Variants in TMEM210 observed in about 807,000 individuals in gnomAD.
TMEM210 encodes transmembrane protein 210.
In TMEM210, 7 loss-of-function variants were observed where a neutral mutation model predicts 10.3. That is an observed-to-expected ratio of 0.68 (90% confidence interval 0.39 to 1.28). TMEM210 has a LOEUF of 1.28. Among genes scored for constraint, TMEM210 ranks in the 50% most tolerant of loss-of-function variants. The pLI, the probability that TMEM210 is intolerant of heterozygous loss-of-function variation, is 0.01. For missense variants in TMEM210, 185 were observed against 197.8 expected, an observed-to-expected ratio of 0.94 and a Z score of 0.39; for synonymous variants, 79 against 81.2, an observed-to-expected ratio of 0.97 and a Z score of 0.14.
chr9:137,171,591 A>G (rs1834108626), intron 2 of TMEM210, 50 bp downstream of exon 2: 1 of 1,526,766 alleles, frequency 6.5e-7, no homozygotes. Flanking sequence ...GGCCCAGGGC[A>G]GCCAGCCTGG....
intron 2 of TMEM210, 48 bp from the exon 3 acceptor site, chr9:137,171,491 CG>C (rs1564372138): frequency 6.5e-7 from 1 of 1,535,344 alleles, no homozygotes; most frequent in South Asian, 1.2e-5. Flanking sequence ...GCTGGGCCCC[CG>C]GAGCTCCCCC....
rs1467134566 is a variant in TMEM210 at position 137,171,121 on chromosome 9, G to T, written c.298C>A (p.His100Asn). Residue 100 changes from histidine to asparagine, a missense_variant, in exon 4 of 4, where the codon CAC becomes AAC. Transcript: ENST00000413619. ...FGVQEDLMDL[H>N]PVYVESQLMD... ...AGCTGGGACTCCACGTAAACCGGGT[G>T]CAGGTCCATGAGATCTTCCTGGACC... is the stretch of plus-strand genomic sequence containing the variant. 2.0e-6 allele frequency: 3 copies of T among 1,535,266 alleles called. No individual in the cohort carries two copies. Among genetic ancestry groups the T allele is most frequent in the South Asian group, 1.2e-5 (1 of 84,060 alleles).
At position 137,172,034 on chromosome 9, in the gene TMEM210, C is replaced by T. The variant is rs1834117956; in HGVS notation, c.-7G>A. ...GCCAGGGACCGGGGGCCATGTCCAG[C>T]CCTGGCCCCACTGCACACCTCTGAC... On this transcript the variant is annotated 5_prime_UTR_variant, in exon 1 of 4. Transcript: ENST00000413619. 7.2e-7 allele frequency: 1 copy of T among 1,390,152 alleles called. No individual in the cohort carries two copies. The highest frequency in any genetic ancestry group is 9.3e-7 in the Non-Finnish European group (1 of 1,075,958). 86.1% of individuals were successfully genotyped at this position (1,390,152 alleles called of 1,614,324 possible). A position where few individuals can be genotyped will look rare whatever the true frequency, so the allele number is the denominator to read the frequency against.
rs1345516495 is a variant in TMEM210 at position 137,171,144 on chromosome 9, A to G, written c.275T>C (p.Val92Ala). 2.0e-6 allele frequency: 3 copies of G among 1,534,882 alleles called. No individual in the cohort carries two copies. Among genetic ancestry groups the G allele is most frequent in the Admixed American group, 3.9e-5 (2 of 50,922 alleles). ...GTGCAGGTCCATGAGATCTTCCTGG[A>G]CCCCAAAATTCTCCACCAACCTGCA... The part of the protein sequence containing the change: ...VDNRLVENFG[V>A]QEDLMDLHPV... Residue 92 changes from valine to alanine, a missense_variant, in exon 4 of 4, where the codon GTC (valine) becomes GCC (alanine). Coordinates refer to ENST00000413619, the MANE Select transcript of TMEM210 (RefSeq NM_001282477.2).
Position 137,171,631 on chromosome 9 carries a change from G to A in TMEM210, c.224+10C>T. ...ACTCCCATCCTCTCCCGGCCCCAGG[G>A]TTCACGCACCCCTTGGCCCGCAAGA... is the stretch of plus-strand genomic sequence containing the variant. On this transcript the variant is annotated intron_variant, in intron 2 of 3. Coordinates refer to ENST00000413619, the MANE Select transcript of TMEM210 (RefSeq NM_001282477.2). 2 of 1,532,716 alleles carry A rather than the reference G, an allele frequency of 1.3e-6. No individual in the cohort carries two copies. The highest frequency in any genetic ancestry group is 8.7e-7 in the Non-Finnish European group (1 of 1,144,782). The allele number at this position is 1,532,716 out of a possible 1,614,324, so 94.9% of individuals were successfully genotyped here.
intron 3 of TMEM210, 98 bp from the exon 4 acceptor site, chr9:137,171,262 T>TGGGACAGCACACCTCCTCTTCCA: frequency 6.8e-7 from 1 of 1,476,954 alleles, no homozygotes; most frequent in South Asian, 1.2e-5. Context: ...GGGCCTCCCT[T>TGGGACAGCACACCTCCTCTTCCA]GGGACAGCAC....
rs141514655 is a variant in TMEM210, at chr9:137,170,905, G to C, written c.*70C>G. The C allele has an allele frequency of 7.0e-7, 1 of 1,431,890 alleles. No homozygotes were observed. Among genetic ancestry groups the C allele is most frequent in the Non-Finnish European group, 9.3e-7 (1 of 1,076,430 alleles). 88.7% of individuals were successfully genotyped at this position (1,431,890 alleles called of 1,614,324 possible). On this transcript the variant is annotated 3_prime_UTR_variant, in exon 4 of 4. Coordinates refer to ENST00000413619, the MANE Select transcript of TMEM210 (RefSeq NM_001282477.2). ...CCCTCCCCCAGCTGCCCTCAGGAGGGCCTGCAGGGAGGACAGTGCACAGCC... is the reference window on the plus strand; with the variant it reads ...CCCTCCCCCAGCTGCCCTCAGGAGGCCCTGCAGGGAGGACAGTGCACAGCC...
chr9:137,171,675 C>G lies in TMEM210; in HGVS notation c.190G>C (p.Val64Leu). The G allele has an allele frequency of 6.5e-7, 1 of 1,535,418 alleles. No individual in the cohort carries two copies. The highest frequency in any genetic ancestry group is 8.7e-7 in the Non-Finnish European group (1 of 1,146,506). Residue 64 changes from valine (V) to leucine (L), a missense_variant, in exon 2 of 4, where the codon GTC (valine) becomes CTC (leucine). Val to Leu is a conservative substitution (Grantham distance 32, BLOSUM62 1). Coordinates refer to ENST00000413619, the MANE Select transcript of TMEM210 (RefSeq NM_001282477.2). ...CGCAAGACACCAATTGCCACGATGA[C>G]GAGGGCACAGAAGCAGCTGGCACTG... Reference protein sequence around the residue: ...GISASCFCALVIVAIGVLRAK... With the variant: ...GISASCFCALLIVAIGVLRAK...
intron 2 of TMEM210, 48 bp downstream of exon 2, chr9:137,171,593 C>A: frequency 6.6e-7 from 1 of 1,525,806 alleles, no homozygotes; most frequent in South Asian, 1.2e-5. Flanking sequence ...CCCAGGGCAG[C>A]CAGCCTGGCC....
chr9:137,171,990 C>T lies in TMEM210; in HGVS notation c.38G>A (p.Gly13Asp), dbSNP rs1390487030. 1 of 1,417,972 alleles carries T rather than the reference C, an allele frequency of 7.1e-7. No individual in the cohort carries two copies. The highest frequency in any genetic ancestry group is 3.1e-5 in the Admixed American group (1 of 32,166). 87.8% of individuals were successfully genotyped at this position (1,417,972 alleles called of 1,614,324 possible). A position where few individuals can be genotyped will look rare whatever the true frequency, so the allele number is the denominator to read the frequency against. ...CAAATATGTGAGGCCCAAGGGGCCACCACGCAGGCAGGACACAGGCCAGGG... is the reference window on the plus strand; with the variant it reads ...CAAATATGTGAGGCCCAAGGGGCCATCACGCAGGCAGGACACAGGCCAGGG... The part of the protein sequence containing the change: ...PGPWPVSCLR[G>D]GPLGLTYLSL... Residue 13 changes from glycine (G) to aspartate (D), a missense_variant, in exon 1 of 4, where the codon GGT becomes GAT. Coordinates refer to ENST00000413619, the MANE Select transcript of TMEM210 (RefSeq NM_001282477.2).
At position 137,171,123 on chromosome 9, in the gene TMEM210, AG is replaced by A. The variant is rs1216617031; in HGVS notation, c.295del (p.Leu99CysfsTer10). On this transcript the variant is annotated frameshift_variant, in exon 4 of 4. Coordinates refer to ENST00000413619, the MANE Select transcript of TMEM210 (RefSeq NM_001282477.2). LOFTEE classifies it low-confidence loss of function (END_TRUNC). ...CTGGGACTCCACGTAAACCGGGTGCAGGTCCATGAGATCTTCCTGGACCCCA... is the reference window on the plus strand; with the variant it reads ...CTGGGACTCCACGTAAACCGGGTGCAGTCCATGAGATCTTCCTGGACCCCA... ...NFGVQEDLMD[L>X]HPVYVESQLM... The A allele has an allele frequency of 6.5e-7, 1 of 1,535,254 alleles. No individual in the cohort carries two copies. The highest frequency in any genetic ancestry group is 1.4e-5 in the African/African-American group (1 of 72,976).
chr9:137,170,929 C>T lies in TMEM210; in HGVS notation c.*46G>A, dbSNP rs1474091995. On this transcript the variant is annotated 3_prime_UTR_variant, in exon 4 of 4. Transcript: ENST00000413619. ...GGCCTGCAGGGAGGACAGTGCACAG[C>T]CACTAAATACGCTTTAATTCCCCTC... 1 of 1,506,506 alleles carries T rather than the reference C, an allele frequency of 6.6e-7. No homozygotes were observed. The highest frequency in any genetic ancestry group is 1.4e-5 in the African/African-American group (1 of 72,244). The allele number at this position is 1,506,506 out of a possible 1,614,324, so 93.3% of individuals were successfully genotyped here.
chr9:137,171,260 C>T (rs2131323546), intron 3 of TMEM210, 96 bp from the exon 4 acceptor site: 2 of 1,477,936 alleles, frequency 1.4e-6, no homozygotes, highest in Non-Finnish European at 1.8e-6. Context: ...AAGGGCCTCC[C>T]TTGGGACAGC....
rs1318192345 is a variant in TMEM210 at position 137,171,626 on chromosome 9, C to T, written c.224+15G>A. 2.6e-6 allele frequency: 4 copies of T among 1,531,432 alleles called. No homozygotes were observed. In the Admixed American group the frequency reaches 5.9e-5, roughly 23 times the overall value. 94.9% of individuals were successfully genotyped at this position (1,531,432 alleles called of 1,614,324 possible). The stretch of plus-strand genomic sequence containing the variant: ...GCCTCACTCCCATCCTCTCCCGGCC[C>T]CAGGGTTCACGCACCCCTTGGCCCG... On this transcript the variant is annotated intron_variant, in intron 2 of 3. Coordinates refer to ENST00000413619, the MANE Select transcript of TMEM210 (RefSeq NM_001282477.2).
chr9:137,171,583 C>T (rs1234781305), intron 2 of TMEM210, 58 bp downstream of exon 2: 2 of 1,527,300 alleles, frequency 1.3e-6, no homozygotes, highest in South Asian at 1.2e-5. Context: ...AGACCAAGGG[C>T]CCAGGGCAGC....
Position 137,171,096 on chromosome 9 carries a change from A to C in TMEM210, c.323T>G (p.Leu108Arg). Residue 108 changes from leucine to arginine, a missense_variant, in exon 4 of 4, where the codon CTA becomes CGA. Coordinates refer to ENST00000413619, the MANE Select transcript of TMEM210 (RefSeq NM_001282477.2). ...GGAGACCTCCAGGTCAGCGTCCATT[A>C]GCTGGGACTCCACGTAAACCGGGTG... ...DLHPVYVESQ[L>R]MDADLEVSLV... 1 of 1,535,422 alleles carries C rather than the reference A, an allele frequency of 6.5e-7. No individual in the cohort carries two copies. Among genetic ancestry groups the C allele is most frequent in the African/African-American group, 1.4e-5 (1 of 73,098 alleles).
chr9:137,171,245 C>A, intron 3 of TMEM210, 81 bp from the exon 4 acceptor site: 1 of 1,481,136 alleles, frequency 6.8e-7, no homozygotes, highest in Non-Finnish European at 9.1e-7. Flanking sequence ...CAGTGCACCC[C>A]CACAAAGGGC....
At position 137,172,037 on chromosome 9, in the gene TMEM210, T is replaced by C; in HGVS notation, c.-10A>G. 7.2e-7 allele frequency: 1 copy of C among 1,387,098 alleles called. No individual in the cohort carries two copies. The highest frequency in any genetic ancestry group is 1.5e-5 in the African/African-American group (1 of 68,256). 85.9% of individuals were successfully genotyped at this position (1,387,098 alleles called of 1,614,324 possible). On this transcript the variant is annotated 5_prime_UTR_variant, in exon 1 of 4. Coordinates refer to ENST00000413619, the MANE Select transcript of TMEM210 (RefSeq NM_001282477.2). ...AGGGACCGGGGGCCATGTCCAGCCC[T>C]GGCCCCACTGCACACCTCTGACGGA...
chr9:137,171,351 T>C (rs901756387), intron 3 of TMEM210, 63 bp downstream of exon 3: 1 of 1,531,678 alleles, frequency 6.5e-7, no homozygotes, highest in Non-Finnish European at 8.7e-7. Flanking sequence ...CTGGGATAGC[T>C]CCCCCCGCCA....
Sources: allele counts gnomAD v4.1 joint callset, GRCh38; gene constraint gnomAD v4.1.1; transcripts MANE v1.5; gene names NCBI Gene and HGNC (gene_info 2026-07-23, HGNC 2026-07-21).